The following DENND4C variants were observed in gnomAD, a reference collection of about 807,000 sequenced individuals.
DENND4C encodes the protein DENN domain-containing protein 4C.
DENND4C carries 108 observed loss-of-function variants against 203.0 expected under a neutral mutation model. The ratio of observed to expected loss-of-function variants is 0.53; its 90% CI spans 0.46 to 0.62. The LOEUF (loss-of-function observed/expected upper bound fraction) is 0.62. Ranked by LOEUF, DENND4C falls within the 20% of genes least tolerant of loss-of-function variation. The probability of loss-of-function intolerance (pLI) is 0.00; values close to 1 mark genes in which losing one functional copy is unlikely to be tolerated. For synonymous variants in DENND4C, 871 were observed against 792.4 expected, an observed-to-expected ratio of 1.10 and a Z score of -1.67; for missense variants, 2,481 against 2,301.2, an observed-to-expected ratio of 1.08 and a Z score of -1.60.
At chr9:19,261,260 A>G (rs999095911) in intron 1 of DENND4C, among the ~76,000 whole-genome samples, 2 of 152,026 alleles carry the variant, frequency 1.3e-5, no homozygotes, top group African/African-American at 2.4e-5. Flanking sequence ...TTTGGCTACT[A>G]TAGCTCTAGT....
chr9:19,343,353 C>G (rs1164761143), intron 22 of DENND4C, among the ~76,000 whole-genome samples: 1 of 152,106 alleles, frequency 6.6e-6, no homozygotes, highest in Non-Finnish European at 1.5e-5. Context: ...ATAGGTCTCC[C>G]AAGACTCTTA....
At chr9:19,266,385 A>G (rs1358402234) in intron 1 of DENND4C, among the ~76,000 whole-genome samples, 1 of 146,216 alleles carries the variant, frequency 6.8e-6, no homozygotes, top group Non-Finnish European at 1.5e-5. Flanking sequence ...TAGATTGTAA[A>G]AATTTTCTCC....
intron 1 of DENND4C, among the ~76,000 whole-genome samples, chr9:19,254,220 C>T (rs1195110381): frequency 1.3e-5 from 2 of 152,302 alleles, no homozygotes; most frequent in East Asian, 3.9e-4. Context: ...TACAATTCAG[C>T]AATCCCACTT....
chr9:19,333,693 C>G (rs551658713), intron 17 of DENND4C, among the ~76,000 whole-genome samples: 36 of 152,310 alleles, frequency 2.4e-4, no homozygotes, highest in Admixed American at 1.0e-3. Flanking sequence ...CATTTTCTCT[C>G]TCAAGCCTTA....
At chr9:19,239,495 C>T (rs962120845) in intron 1 of DENND4C, among the ~76,000 whole-genome samples, 12 of 150,970 alleles carry the variant, frequency 7.9e-5, no homozygotes, top group Admixed American at 2.6e-4. Flanking sequence ...GATGGAGTCT[C>T]GCTGTGTCAC....
At chr9:19,369,188 C>G (rs552945664) in intron 30 of DENND4C, among the ~76,000 whole-genome samples, 3 of 152,100 alleles carry the variant, frequency 2.0e-5, no homozygotes, top group Non-Finnish European at 4.4e-5. Context: ...AAGTTATGTA[C>G]TAGACAGTCT....
At chr9:19,364,938 G>A (rs1048330697) in intron 30 of DENND4C, among the ~76,000 whole-genome samples, 1 of 152,130 alleles carries the variant, frequency 6.6e-6, no homozygotes. Context: ...TGCCCAGGGG[G>A]AGAGGCAGGT....
intron 30 of DENND4C, among the ~76,000 whole-genome samples, chr9:19,362,729 T>C (rs1292990730): frequency 6.6e-6 from 1 of 152,192 alleles, no homozygotes; most frequent in Non-Finnish European, 1.5e-5. Flanking sequence ...GATGTGTTGG[T>C]ATAGGATCAT....
intron 20 of DENND4C, among the ~76,000 whole-genome samples, chr9:19,340,492 A>C (rs948014700): frequency 1.1e-4 from 17 of 152,202 alleles, no homozygotes; most frequent in African/African-American, 4.1e-4. Context: ...AACATGCAGA[A>C]GTGTATTCTA....
intron 28 of DENND4C, among the ~76,000 whole-genome samples, chr9:19,359,626 G>A (rs1826051630): frequency 6.6e-6 from 1 of 151,742 alleles, no homozygotes; most frequent in Admixed American, 6.5e-5. Flanking sequence ...TCCCTTTAGA[G>A]GGAAATGGTT....
chr9:19,275,902 C>T (rs1428569179), intron 1 of DENND4C, among the ~76,000 whole-genome samples: 3 of 152,134 alleles, frequency 2.0e-5, no homozygotes, highest in Admixed American at 6.5e-5. Flanking sequence ...CCATCGCGCC[C>T]GGCCCCAGTT....
chr9:19,318,349 TAAATA>T (rs1427120095), intron 12 of DENND4C, among the ~76,000 whole-genome samples: 1 of 151,924 alleles, frequency 6.6e-6, no homozygotes. Flanking sequence ...AATAAATAAA[TAAATA>T]AAGTTTTCTC....
At chr9:19,257,727 A>G (rs891880985) in intron 1 of DENND4C, among the ~76,000 whole-genome samples, 6 of 152,238 alleles carry the variant, frequency 3.9e-5, no homozygotes, top group Admixed American at 3.3e-4. Flanking sequence ...TTCTAAAGAC[A>G]CTAAATGGAT....
In DENND4C at chr9:19,346,012, A is replaced by G. The variant is rs1329018442; in HGVS notation, c.3243A>G (p.Arg1081=). 5 of 1,614,038 alleles carry G rather than the reference A, an allele frequency of 3.1e-6. No individual in the cohort carries two copies. In the Admixed American group the frequency reaches 8.3e-5, roughly 27 times the overall value. Residue 1081 remains arginine, a synonymous_variant, in exon 23 of 33, where the codon AGA becomes AGG. Coordinates refer to ENST00000434457, the MANE Select transcript of DENND4C (RefSeq NM_001330640.2). ...EATNLKKNGD[R]GEKRQKHFPE... Reference sequence around the variant, plus strand: ...CTAATCTCAAGAAGAATGGTGATAGAGGAGAAAAAAGACAAAAGCATTTTC... The same window carrying G: ...CTAATCTCAAGAAGAATGGTGATAGGGGAGAAAAAAGACAAAAGCATTTTC...
intron 1 of DENND4C, among the ~76,000 whole-genome samples, chr9:19,272,556 C>G (rs1013543289): frequency 1.3e-5 from 2 of 151,782 alleles, no homozygotes. Context: ...TGTGCCTGGC[C>G]AGAATAGTTT....
chr9:19,275,616 G>C lies in DENND4C; in HGVS notation c.-17-542G>C, dbSNP rs573637290. The stretch of plus-strand genomic sequence containing the variant: ...CTCCCGGGTAGCTGGGATTATAGGC[G>C]CCCCCCACCAGGCTCAGCTAAATTT... On this transcript the variant is annotated intron_variant, in intron 1 of 32. Coordinates refer to ENST00000434457, the MANE Select transcript of DENND4C (RefSeq NM_001330640.2). Among the ~76,000 whole-genome samples the C allele has an allele frequency of 3.2e-3, 479 of 151,964 alleles. 4 individuals carry two copies. Among genetic ancestry groups the C allele is most frequent in the Non-Finnish European group, 4.0e-3 (275 of 67,946 alleles).
chr9:19,330,521 G>A (rs151060102), intron 16 of DENND4C, among the ~76,000 whole-genome samples: 3,199 of 151,670 alleles, frequency 0.021, 124 homozygotes, highest in African/African-American at 0.073. Flanking sequence ...TGTATTTTTA[G>A]TAGAGACAGG....
At chr9:19,247,254 T>C (rs1271998518) in intron 1 of DENND4C, among the ~76,000 whole-genome samples, 1 of 152,230 alleles carries the variant, frequency 6.6e-6, no homozygotes, top group Non-Finnish European at 1.5e-5. Flanking sequence ...TTTGTAACTT[T>C]TCTTTATCAG....
At chr9:19,364,517 G>A (rs1211406941) in intron 30 of DENND4C, among the ~76,000 whole-genome samples, 4 of 152,088 alleles carry the variant, frequency 2.6e-5, no homozygotes, top group African/African-American at 7.2e-5. Context: ...TCTCTATCTA[G>A]CACCCTGCTC....
Sources: gnomAD v4.1 joint callset for allele counts (sites outside exome capture counted in the v4.1 genomes callset) on GRCh38, gnomAD v4.1.1 for gene constraint, MANE v1.5 for transcripts, NCBI Gene and HGNC (gene_info 2026-07-23, HGNC 2026-07-21) for gene names.